GNB5: variants seen among roughly 807,000 people sequenced by gnomAD.
The protein encoded by GNB5 is guanine nucleotide-binding protein subunit beta-5.
In GNB5, 37 loss-of-function variants were observed where a neutral mutation model predicts 55.3. The ratio of observed to expected loss-of-function variants is 0.67; its 90% CI spans 0.51 to 0.88. The LOEUF (loss-of-function observed/expected upper bound fraction) is 0.88. Among genes scored for constraint, GNB5 ranks in the 40% least tolerant of loss-of-function variants. GNB5 has a pLI of 0.00. For synonymous variants in GNB5, 219 were observed against 198.5 expected (o/e 1.10, Z -0.87); for missense variants, 476 against 515.3 (o/e 0.92, Z 0.74).
chr15:52,176,379 C>CT (rs961854907), intron 3 of GNB5, among the ~76,000 whole-genome samples: 1 of 152,250 alleles, frequency 6.6e-6, no homozygotes, highest in Non-Finnish European at 1.5e-5. Context: ...GATGATACCA[C>CT]TTTCCTTCAT....
chr15:52,117,380 G>C lies in GNB5; in HGVS notation c.*5377C>G, dbSNP rs2033168550. 1 of 151,992 alleles carries C rather than the reference G, an allele frequency of 6.6e-6. No homozygotes were observed. Among genetic ancestry groups the C allele is most frequent in the Non-Finnish European group, 1.5e-5 (1 of 68,002 alleles). 9.4% of individuals were successfully genotyped at this position (151,992 alleles called of 1,614,324 possible). ...GGAACATTCAAAATTCTCTCTTCTA[G>C]CTACTTGAAAATACACAGTAAATTA... On this transcript the variant is annotated 3_prime_UTR_variant, in exon 13 of 13. Coordinates refer to ENST00000261837, the MANE Select transcript of GNB5 (RefSeq NM_016194.4).
rs189555818 is a variant in GNB5 at position 52,129,380 on chromosome 15, A to G, written c.864-1136T>C. Reference sequence around the variant, plus strand: ...GAGGTGAGAGTCAAAACATTTGGCAAAGGAGAGGGAAGCTTGACTTTGTGT... The same window carrying G: ...GAGGTGAGAGTCAAAACATTTGGCAGAGGAGAGGGAAGCTTGACTTTGTGT... On this transcript the variant is annotated intron_variant, in intron 9 of 12. Transcript: ENST00000261837. 3.0e-4 allele frequency among the ~76,000 whole-genome samples: 46 copies of G among 152,306 alleles called. No individual in the cohort carries two copies. The East Asian group carries it at 8.9e-3, about 29-fold the overall frequency.
At chr15:52,123,696 C>G (rs2033337465) in intron 12 of GNB5, 1 of 152,130 alleles carries the variant, frequency 6.6e-6, no homozygotes, top group African/African-American at 2.4e-5. Context: ...GTGCATGCCA[C>G]CACGCCTGGC....
chr15:52,150,459 G>A (rs531416792), intron 4 of GNB5, among the ~76,000 whole-genome samples: 4 of 152,274 alleles, frequency 2.6e-5, no homozygotes, highest in African/African-American at 7.2e-5. Context: ...GGACAGCTGC[G>A]GAGGGGGCTG....
intron 2 of GNB5, among the ~76,000 whole-genome samples, chr15:52,183,910 A>C (rs959132067): frequency 1.3e-5 from 2 of 152,194 alleles, no homozygotes; most frequent in African/African-American, 4.8e-5. Context: ...GTGTACTTTG[A>C]AAAATTCCAG....
chr15:52,172,653 C>T (rs2034575459), intron 3 of GNB5, among the ~76,000 whole-genome samples: 1 of 152,048 alleles, frequency 6.6e-6, no homozygotes. Flanking sequence ...TGGTGGCACA[C>T]ACCTGTAGTC....
intron 3 of GNB5, 26 bp from the exon 4 acceptor site, chr15:52,154,102 C>G: frequency 6.2e-7 from 1 of 1,608,374 alleles, no homozygotes; most frequent in East Asian, 2.2e-5. Context: ...CATAGTCAGT[C>G]CCCTTGCTAA....
At chr15:52,149,373 A>C in intron 5 of GNB5, 2 of 189,062 alleles carry the variant, frequency 1.1e-5, no homozygotes. Context: ...ATTAAGAGCT[A>C]AAATTTAAAT....
chr15:52,151,835 G>A (rs1269771695), intron 4 of GNB5, among the ~76,000 whole-genome samples: 1 of 152,114 alleles, frequency 6.6e-6, no homozygotes, highest in East Asian at 1.9e-4. Context: ...GCAGGGCAAG[G>A]TGGCTCACAT....
intron 3 of GNB5, among the ~76,000 whole-genome samples, chr15:52,169,562 A>AAAC (rs1566947329): frequency 1.9e-4 from 27 of 145,366 alleles, no homozygotes; most frequent in South Asian, 2.2e-4. Flanking sequence ...AAAAAAAAAA[A>AAAC]AGAAAAGAAG....
intron 3 of GNB5, among the ~76,000 whole-genome samples, chr15:52,176,721 C>G (rs1290940402): frequency 6.6e-6 from 1 of 152,036 alleles, no homozygotes; most frequent in Admixed American, 6.6e-5. Context: ...GGTCACTTAC[C>G]TCTCACACTT....
intron 3 of GNB5, among the ~76,000 whole-genome samples, chr15:52,171,055 C>T (rs957531362): frequency 2.2e-5 from 3 of 139,116 alleles, no homozygotes; most frequent in African/African-American, 8.3e-5. Context: ...GATCACGCTA[C>T]TGGACTCCAG....
At chr15:52,184,803 G>A (rs985496360) in intron 1 of GNB5, 109 bp from the exon 2 acceptor site, 35 of 777,402 alleles carry the variant, frequency 4.5e-5, no homozygotes, top group Non-Finnish European at 6.4e-5. Flanking sequence ...GTCTACATGT[G>A]GGATAGAGTA....
At chr15:52,185,779 T>TATTATC (rs1322266300) in intron 1 of GNB5, among the ~76,000 whole-genome samples, 3 of 147,862 alleles carry the variant, frequency 2.0e-5, no homozygotes, top group African/African-American at 7.4e-5. Flanking sequence ...TTATTATTAT[T>TATTATC]ATTATTATTA....
At chr15:52,189,425 CA>C in intron 1 of GNB5, among the ~76,000 whole-genome samples, 1 of 151,754 alleles carries the variant, frequency 6.6e-6, no homozygotes, top group Non-Finnish European at 1.5e-5. Context: ...ATCTACTATA[CA>C]AAAATTAGCC....
chr15:52,138,401 A>AAAAAT (rs61642921), intron 7 of GNB5: 1 of 147,420 alleles, frequency 6.8e-6, no homozygotes, highest in African/African-American at 2.6e-5. Flanking sequence ...AAAAAAAAAA[A>AAAAAT]CTCATTTTTT....
At chr15:52,137,892 C>T (rs997023330) in intron 7 of GNB5, 1 of 1,286,974 alleles carries the variant, frequency 7.8e-7, no homozygotes. Context: ...GAGGAAGTGG[C>T]TCTTGCAGCA....
Position 52,141,292 on chromosome 15 carries a change from G to C in GNB5, c.495-20C>G, listed in dbSNP as rs373920314. 1.2e-6 allele frequency: 2 copies of C among 1,610,248 alleles called. No individual in the cohort carries two copies. Among genetic ancestry groups the C allele is most frequent in the African/African-American group, 2.7e-5 (2 of 74,854 alleles). On this transcript the variant is annotated intron_variant, in intron 6 of 12. Transcript: ENST00000261837. ...AAACCACTAGGATGGAAAGAAAGAA[G>C]TACCAAAGATTAATGCAGAGTCACA...
At chr15:52,137,841 C>G in intron 7 of GNB5, 2 of 1,285,180 alleles carry the variant, frequency 1.6e-6, no homozygotes, top group South Asian at 1.2e-5. Context: ...TCCCTGCCTT[C>G]TGGCTGCTCC....
Sources: allele counts gnomAD v4.1 joint callset (sites outside exome capture counted in the v4.1 genomes callset), GRCh38; gene constraint gnomAD v4.1.1; transcripts MANE v1.5; gene names NCBI Gene and HGNC (gene_info 2026-07-23, HGNC 2026-07-21).